The following CCR3 variants were observed in gnomAD, a reference collection of about 807,000 sequenced individuals.
CCR3 encodes C-C chemokine receptor type 3.
For synonymous variants in CCR3, 203 were observed against 179.2 expected (o/e 1.13, Z -1.06); for missense variants, 419 against 437.5 (o/e 0.96, Z 0.38).
chr3:46,225,513 ATTATT>A (rs1209025063), intron 2 of CCR3, among the ~76,000 whole-genome samples: 5 of 152,144 alleles, frequency 3.3e-5, no homozygotes, highest in Non-Finnish European at 7.4e-5. Flanking sequence ...TAATGGCTGT[ATTATT>A]TTATGTTCCC....
At chr3:46,221,159 G>A (rs1699831652) in intron 2 of CCR3, among the ~76,000 whole-genome samples, 1 of 152,180 alleles carries the variant, frequency 6.6e-6, no homozygotes, top group Non-Finnish European at 1.5e-5. Context: ...TTACACCAAG[G>A]AAACTGGAAA....
At chr3:46,255,626 A>G (rs1202389320) in intron 1 of CCR3, among the ~76,000 whole-genome samples, 1 of 152,076 alleles carries the variant, frequency 6.6e-6, no homozygotes, top group Non-Finnish European at 1.5e-5. Flanking sequence ...CTAGCCAATT[A>G]TCCCAGCACC....
chr3:46,265,084 G>T, intron 1 of CCR3, 64 bp from the exon 2 acceptor site: 1 of 1,025,416 alleles, frequency 9.8e-7, no homozygotes, highest in South Asian at 1.5e-5. Flanking sequence ...TAAATCAACT[G>T]GTGTGTTTTA....
chr3:46,241,986 A>G (rs1700091371), upstream of CCR3, among the ~76,000 whole-genome samples: 1 of 152,110 alleles, frequency 6.6e-6, no homozygotes, highest in African/African-American at 2.4e-5. Flanking sequence ...TACAAAAATT[A>G]GCCAGGCATG....
rs770807675 is a variant in CCR3 at position 46,266,100 on chromosome 3, C to T, written c.942C>T (p.His314=). 1.2e-6 allele frequency: 2 copies of T among 1,614,052 alleles called. No individual in the cohort carries two copies. The highest frequency in any genetic ancestry group is 1.1e-5 in the South Asian group (1 of 91,078). Residue 314 remains histidine (H), a synonymous_variant, in exon 2 of 2, where the codon CAC becomes CAT. Coordinates refer to ENST00000395940, the MANE Select transcript of CCR3 (RefSeq NM_178329.3). The part of the protein sequence containing the change: ...VGERFRKYLR[H]FFHRHLLMHL... ...AGAGGTTCCGGAAGTACCTGCGCCA[C>T]TTCTTCCACAGGCACTTGCTCATGC...
intron 2 of CCR3, among the ~76,000 whole-genome samples, chr3:46,227,030 C>A (rs914481999): frequency 6.6e-6 from 1 of 150,908 alleles, no homozygotes; most frequent in Non-Finnish European, 1.5e-5. Flanking sequence ...TGCCACCATG[C>A]CTGGCTATTT....
intron 1 of CCR3, among the ~76,000 whole-genome samples, chr3:46,253,930 C>T (rs539427392): frequency 2.3e-4 from 35 of 151,858 alleles, no homozygotes; most frequent in African/African-American, 8.0e-4. Flanking sequence ...TTTAAAAAGG[C>T]TCAGAAAACT....
chr3:46,247,785 G>A (rs969926565), intron 1 of CCR3, among the ~76,000 whole-genome samples: 2 of 152,136 alleles, frequency 1.3e-5, no homozygotes, highest in Admixed American at 6.5e-5. Flanking sequence ...TTGTGACTCA[G>A]GGCATGTTGA....
rs760401876 is a variant in CCR3, at chr3:46,265,313, A to C, written c.155A>C (p.Asn52Thr). ...SLVFTVGLLG[N>T]VVVVMILIKY... ...GTGTTCACTGTGGGCCTCTTGGGCAATGTGGTGGTGGTGATGATCCTCATA... is the reference window on the plus strand; with the variant it reads ...GTGTTCACTGTGGGCCTCTTGGGCACTGTGGTGGTGGTGATGATCCTCATA... Residue 52 changes from asparagine to threonine, a missense_variant, in exon 2 of 2, where the codon AAT becomes ACT. Asn to Thr is a moderately conservative substitution (Grantham distance 65). Transcript: ENST00000395940. 10 of 1,613,924 alleles carry C rather than the reference A, an allele frequency of 6.2e-6. No individual in the cohort carries two copies. Among genetic ancestry groups the C allele is most frequent in the Non-Finnish European group, 8.5e-6 (10 of 1,180,002 alleles).
chr3:46,212,282 T>G (rs1699723374), intron 2 of CCR3, among the ~76,000 whole-genome samples: 1 of 152,190 alleles, frequency 6.6e-6, no homozygotes, highest in Non-Finnish European at 1.5e-5. Flanking sequence ...ATGTGAGATG[T>G]CCCTGTTGCC....
chr3:46,231,068 G>A (rs1699960051), intron 2 of CCR3, among the ~76,000 whole-genome samples: 1 of 152,100 alleles, frequency 6.6e-6, no homozygotes, highest in Non-Finnish European at 1.5e-5. Flanking sequence ...GGGATTACAG[G>A]CACACACCAT....
At chr3:46,252,430 T>C (rs903422632) in intron 1 of CCR3, among the ~76,000 whole-genome samples, 3 of 152,116 alleles carry the variant, frequency 2.0e-5, no homozygotes, top group Admixed American at 2.0e-4. Context: ...CCACCCACCT[T>C]GGCCTCTCAA....
At chr3:46,213,099 C>A (rs1278145167) in intron 2 of CCR3, among the ~76,000 whole-genome samples, 1 of 152,208 alleles carries the variant, frequency 6.6e-6, no homozygotes, top group Non-Finnish European at 1.5e-5. Context: ...TGTAATAATT[C>A]TTAATGATTT....
At chr3:46,211,354 A>C (rs901813043) in intron 2 of CCR3, among the ~76,000 whole-genome samples, 2 of 150,772 alleles carry the variant, frequency 1.3e-5, no homozygotes, top group South Asian at 4.2e-4. Flanking sequence ...GCATGGCACC[A>C]CACCTGGCTA....
At chr3:46,217,709 A>G (rs1358950055) in intron 2 of CCR3, among the ~76,000 whole-genome samples, 2 of 152,132 alleles carry the variant, frequency 1.3e-5, no homozygotes, top group Non-Finnish European at 2.9e-5. Flanking sequence ...TCTGCTCCCA[A>G]ATGATCCTTG....
rs185886133 is a variant in CCR3 at position 46,217,449 on chromosome 3, C to A, written c.-68+6542C>A. On this transcript the variant is annotated intron_variant, in intron 2 of 3. Coordinates refer to the CCR3 transcript ENST00000357422. ...AAGAAACATTAGACTTAAACTGTACCCTAGAACAAATGGACCTTACAGATA... is the reference window on the plus strand; with the variant it reads ...AAGAAACATTAGACTTAAACTGTACACTAGAACAAATGGACCTTACAGATA... 3.2e-3 allele frequency among the ~76,000 whole-genome samples: 485 copies of A among 152,072 alleles called. 2 individuals carry two copies. The highest frequency in any genetic ancestry group is 0.011 in the African/African-American group (465 of 41,476).
At position 46,266,044 on chromosome 3, in the gene CCR3, A is replaced by T; in HGVS notation, c.886A>T (p.Met296Leu). 6.2e-7 allele frequency: 1 copy of T among 1,614,092 alleles called. No individual in the cohort carries two copies. ...TEVIAYSHCC[M>L]NPVIYAFVGE... ...GGTGATCGCCTACTCCCACTGCTGC[A>T]TGAACCCGGTGATCTACGCCTTTGT... is the stretch of plus-strand genomic sequence containing the variant. Residue 296 changes from methionine (M) to leucine (L), a missense_variant, in exon 2 of 2, where the codon ATG becomes TTG. Coordinates refer to ENST00000395940, the MANE Select transcript of CCR3 (RefSeq NM_178329.3).
chr3:46,224,759 A>G (rs1309589174), intron 2 of CCR3, among the ~76,000 whole-genome samples: 1 of 147,924 alleles, frequency 6.8e-6, no homozygotes, highest in East Asian at 1.9e-4. Context: ...AAAAAAAGCC[A>G]TCAACAACAA....
intron 1 of CCR3, chr3:46,263,621 G>A (rs552543667): frequency 6.6e-6 from 1 of 152,300 alleles, no homozygotes; most frequent in African/African-American, 2.4e-5. Flanking sequence ...TTTCATTCCT[G>A]CTTCCTACCA....
Sources: allele counts gnomAD v4.1 joint callset (sites outside exome capture counted in the v4.1 genomes callset), GRCh38; gene constraint gnomAD v4.1.1; transcripts MANE v1.5; gene names NCBI Gene and HGNC (gene_info 2026-07-23, HGNC 2026-07-21).